Variants in PDLIM5 observed in about 807,000 individuals in gnomAD.
The protein encoded by PDLIM5 is PDZ and LIM domain 5, also known as PDZ and LIM domain protein 5.
A neutral mutation model predicts 64.2 loss-of-function variants in PDLIM5; 34 were observed. The ratio of observed to expected loss-of-function variants is 0.53; its 90% CI spans 0.40 to 0.71. PDLIM5 has a LOEUF of 0.71. Among genes scored for constraint, PDLIM5 ranks in the 30% least tolerant of loss-of-function variants. PDLIM5 has a pLI of 0.00. For missense variants in PDLIM5, 683 were observed against 733.6 expected (o/e 0.93, Z 0.80); for synonymous variants, 253 against 269.1 (o/e 0.94, Z 0.59).
At chr4:94,658,493 A>G (rs1742395350) in intron 11 of PDLIM5, among the ~76,000 whole-genome samples, 1 of 152,156 alleles carries the variant, frequency 6.6e-6, no homozygotes, top group Non-Finnish European at 1.5e-5. Context: ...AATACAAAAC[A>G]TTTTTCCTTT....
At chr4:94,647,144 C>A (rs1177137169) in intron 9 of PDLIM5, among the ~76,000 whole-genome samples, 1 of 152,054 alleles carries the variant, frequency 6.6e-6, no homozygotes, top group South Asian at 2.1e-4. Context: ...ACTAATAAAT[C>A]CTACTTTATC....
chr4:94,622,960 C>T (rs57569167), intron 8 of PDLIM5, among the ~76,000 whole-genome samples: 8,220 of 152,036 alleles, frequency 0.054, 746 homozygotes, highest in African/African-American at 0.19. Context: ...TAAGCCACCA[C>T]GCCCGGCCTC....
intron 4 of PDLIM5, 195 bp downstream of exon 4, chr4:94,573,588 A>G: frequency 3.3e-6 from 2 of 604,962 alleles, no homozygotes; most frequent in Non-Finnish European, 6.0e-6. Flanking sequence ...TATACATGTT[A>G]TAAAACATTA....
At chr4:94,572,467 A>G (rs1403916769) in intron 3 of PDLIM5, among the ~76,000 whole-genome samples, 1 of 152,138 alleles carries the variant, frequency 6.6e-6, no homozygotes, top group African/African-American at 2.4e-5. Flanking sequence ...AATTAGGATA[A>G]CCATAGGTTT....
chr4:94,520,564 G>A (rs543302907), intron 2 of PDLIM5, among the ~76,000 whole-genome samples: 13 of 152,304 alleles, frequency 8.5e-5, no homozygotes, highest in African/African-American at 2.4e-4. Context: ...GAAAAGTAAC[G>A]TTTATCTTTC....
chr4:94,582,484 G>A (rs1298157299), intron 5 of PDLIM5: 2 of 482,248 alleles, frequency 4.1e-6, no homozygotes, highest in African/African-American at 4.0e-5. Context: ...TTATAACAGT[G>A]TAGTAGAATT....
chr4:94,648,379 G>T (rs1250424446), intron 9 of PDLIM5, among the ~76,000 whole-genome samples: 3 of 152,122 alleles, frequency 2.0e-5, no homozygotes, highest in African/African-American at 7.2e-5. Flanking sequence ...GAATGCAGTG[G>T]CAGGATCTCA....
At chr4:94,509,778 G>A (rs1728703056) in intron 2 of PDLIM5, among the ~76,000 whole-genome samples, 1 of 152,174 alleles carries the variant, frequency 6.6e-6, no homozygotes, top group African/African-American at 2.4e-5. Context: ...TGGGAGGCTA[G>A]GCCAGTCTCT....
chr4:94,520,563 C>T (rs574696531), intron 2 of PDLIM5, among the ~76,000 whole-genome samples: 2 of 152,294 alleles, frequency 1.3e-5, no homozygotes, highest in South Asian at 2.1e-4. Flanking sequence ...AGAAAAGTAA[C>T]GTTTATCTTT....
In PDLIM5 at chr4:94,585,637, G is replaced by A. The variant is rs1397409456; in HGVS notation, c.783G>A (p.Lys261=). 1 of 1,612,896 alleles carries A rather than the reference G, an allele frequency of 6.2e-7. No individual in the cohort carries two copies. The highest frequency in any genetic ancestry group is 8.5e-7 in the Non-Finnish European group (1 of 1,179,470). ...YHVPTHSDAS[K]KRLIEDTEDW... ...TACCCACTCACAGTGATGCCAGCAA[G>A]AAGAGACTGATTGAGGATACTGAAG... Residue 261 remains lysine, a synonymous_variant, in exon 6 of 13, where the codon AAG becomes AAA. Coordinates refer to ENST00000317968, the MANE Select transcript of PDLIM5 (RefSeq NM_006457.5).
At chr4:94,576,645 G>A (rs1735289023) in intron 5 of PDLIM5, among the ~76,000 whole-genome samples, 1 of 152,194 alleles carries the variant, frequency 6.6e-6, no homozygotes, top group Non-Finnish European at 1.5e-5. Flanking sequence ...AGCATTAGAA[G>A]CAAATTATAA....
At chr4:94,478,859 T>C (rs1346719842) in intron 2 of PDLIM5, among the ~76,000 whole-genome samples, 3 of 151,260 alleles carry the variant, frequency 2.0e-5, no homozygotes, top group Non-Finnish European at 4.4e-5. Context: ...TGAATTTGGG[T>C]TCTATCCAAA....
chr4:94,516,393 TA>T, intron 2 of PDLIM5, among the ~76,000 whole-genome samples: 1 of 152,362 alleles, frequency 6.6e-6, no homozygotes, highest in East Asian at 1.9e-4. Flanking sequence ...GAGTCAGGAT[TA>T]CACATTTGCT....
chr4:94,484,468 C>T (rs1478686982), intron 2 of PDLIM5, among the ~76,000 whole-genome samples: 1 of 152,146 alleles, frequency 6.6e-6, no homozygotes, highest in Non-Finnish European at 1.5e-5. Context: ...AACTATGTAA[C>T]ATATGGATTA....
At chr4:94,587,815 T>G (rs554807885) in intron 7 of PDLIM5, 977 of 883,228 alleles carry the variant, frequency 1.1e-3, no homozygotes, top group Non-Finnish European at 1.3e-3. Context: ...TTTTAGAATA[T>G]AGACAATTTC....
At chr4:94,463,509 A>G (rs1042229517) in intron 2 of PDLIM5, among the ~76,000 whole-genome samples, 2 of 152,220 alleles carry the variant, frequency 1.3e-5, no homozygotes, top group Non-Finnish European at 2.9e-5. Flanking sequence ...GTCATCATAA[A>G]GGACTTCATT....
At chr4:94,512,311 G>A (rs1204647763) in intron 2 of PDLIM5, among the ~76,000 whole-genome samples, 1 of 152,096 alleles carries the variant, frequency 6.6e-6, no homozygotes, top group East Asian at 1.9e-4. Context: ...GAGCCACTGT[G>A]CCTGGCCAGT....
intron 3 of PDLIM5, among the ~76,000 whole-genome samples, chr4:94,541,949 T>C (rs1423666239): frequency 3.3e-5 from 5 of 152,252 alleles, no homozygotes; most frequent in Non-Finnish European, 7.3e-5. Flanking sequence ...CTCTCCGGCT[T>C]CCTGTTTCTT....
chr4:94,619,242 G>T (rs1739025608), intron 8 of PDLIM5, among the ~76,000 whole-genome samples: 1 of 152,016 alleles, frequency 6.6e-6, no homozygotes, highest in Non-Finnish European at 1.5e-5. Flanking sequence ...CCATTGCTTT[G>T]ATTCATGACC....
Sources: gnomAD v4.1 joint callset for allele counts (sites outside exome capture counted in the v4.1 genomes callset) on GRCh38, gnomAD v4.1.1 for gene constraint, MANE v1.5 for transcripts, NCBI Gene and HGNC (gene_info 2026-07-23, HGNC 2026-07-21) for gene names.